MYO7A: variants seen among roughly 807,000 people sequenced by gnomAD.
The protein encoded by MYO7A is myosin VIIA, also known as unconventional myosin-VIIa.
Under a neutral mutation model 263.8 loss-of-function variants are expected in MYO7A, and 210 were observed. The ratio of observed to expected loss-of-function variants is 0.80; its 90% CI spans 0.71 to 0.89. MYO7A has a LOEUF of 0.89. Among genes scored for constraint, MYO7A ranks in the 40% least tolerant of loss-of-function variants. The pLI is 0.00. For synonymous variants in MYO7A, 1,239 were observed against 1,197.3 expected (o/e 1.03, Z -0.72); for missense variants, 2,820 against 2,968.3 (o/e 0.95, Z 1.16).
chr11:77,164,128 G>T lies in MYO7A; in HGVS notation c.1690+1140G>T, dbSNP rs2135325137. ...ACCGTGCATCTTCTTTTCCCCTGGG[G>T]ACAGGCAATTGGGTTCACGTTAAAG... On this transcript the variant is annotated intron_variant, in intron 14 of 48. Transcript: ENST00000409709. 2.6e-5 allele frequency among the ~76,000 whole-genome samples: 4 copies of T among 152,316 alleles called. 1 individual carries two copies. The highest frequency in any genetic ancestry group is 5.9e-5 in the Non-Finnish European group (4 of 68,022).
At chr11:77,199,033 C>T (rs1956880503) in intron 34 of MYO7A, among the ~76,000 whole-genome samples, 1 of 152,188 alleles carries the variant, frequency 6.6e-6, no homozygotes, top group Non-Finnish European at 1.5e-5. Context: ...GTGCAGTGCA[C>T]ATAGGTGGAA....
intron 16 of MYO7A, 36 bp downstream of exon 16, chr11:77,172,921 C>T (rs782095067): frequency 2.6e-6 from 4 of 1,532,334 alleles, no homozygotes; most frequent in South Asian, 1.2e-5. Flanking sequence ...CGGGTGGCGG[C>T]TAGGGTGACG....
rs372336857 is a variant in MYO7A, at chr11:77,197,510, C to G, written c.4353C>G (p.Ala1451=). ...KGIYAQRRTD[A]QKVKEDVVSY... is the part of the protein sequence containing the mutation. Reference sequence around the variant, plus strand: ...TTTATGCCCAGAGGAGAACTGATGCCCAGAAGGTCAAAGAGGATGTGGTCA... The same window carrying G: ...TTTATGCCCAGAGGAGAACTGATGCGCAGAAGGTCAAAGAGGATGTGGTCA... Residue 1451 remains alanine, a synonymous_variant, in exon 33 of 49, where the codon GCC becomes GCG. Transcript: ENST00000409709. 5 of 1,606,226 alleles carry G rather than the reference C, an allele frequency of 3.1e-6. No individual in the cohort carries two copies. Among genetic ancestry groups the G allele is most frequent in the Non-Finnish European group, 4.3e-6 (5 of 1,176,258 alleles).
At chr11:77,139,038 C>T (rs1192924799) in intron 2 of MYO7A, among the ~76,000 whole-genome samples, 1 of 152,206 alleles carries the variant, frequency 6.6e-6, no homozygotes, top group Non-Finnish European at 1.5e-5. Flanking sequence ...GGCTCGAGAC[C>T]GGCTTGATGC....
At chr11:77,201,369 C>T (rs1957049551) in intron 35 of MYO7A, 79 bp from the exon 36 acceptor site, 4 of 1,408,268 alleles carry the variant, frequency 2.8e-6, no homozygotes, top group Non-Finnish European at 2.9e-6. Context: ...TGAGTGATAA[C>T]ACCTCAGTTC....
At chr11:77,193,936 C>T (rs1956437834) in intron 31 of MYO7A, 1 of 450,032 alleles carries the variant, frequency 2.2e-6, no homozygotes, top group Admixed American at 2.4e-5. Flanking sequence ...GCACTTCCCT[C>T]ACTCTGACCC....
intron 44 of MYO7A, chr11:77,210,940 G>A: frequency 1.9e-6 from 1 of 537,422 alleles, no homozygotes; most frequent in South Asian, 3.0e-5. Context: ...CACTCCAACT[G>A]CCAACTGCTG....
At chr11:77,184,502 G>C (rs1955512886) in intron 26 of MYO7A, 86 bp from the exon 27 acceptor site, 2 of 1,180,326 alleles carry the variant, frequency 1.7e-6, no homozygotes, top group South Asian at 2.7e-5. Context: ...TGTTTTCTGG[G>C]GAGCAGGCAG....
At chr11:77,181,704 C>G in intron 23 of MYO7A, 115 bp downstream of exon 23, 1 of 1,017,572 alleles carries the variant, frequency 9.8e-7, no homozygotes, top group East Asian at 2.6e-5. Flanking sequence ...CAGTGGGGAG[C>G]AGAGATGAAC....
chr11:77,183,041 T>C, intron 25 of MYO7A, 27 bp from the exon 26 acceptor site: 2 of 1,545,538 alleles, frequency 1.3e-6, no homozygotes, highest in Non-Finnish European at 1.8e-6. Context: ...CTCAGCCACT[T>C]GACCCTGATC....
At chr11:77,211,790 G>A in intron 45 of MYO7A, 31 bp from the exon 46 acceptor site, 1 of 1,581,512 alleles carries the variant, frequency 6.3e-7, no homozygotes, top group East Asian at 2.2e-5. Flanking sequence ...CCCCAGGACT[G>A]AGCCCAGCCC....
Position 77,194,323 on chromosome 11 carries a change from C to T in MYO7A, c.4153-31C>T, listed in dbSNP as rs1956475635. 1.9e-6 allele frequency: 3 copies of T among 1,600,640 alleles called. No homozygotes were observed. In the South Asian group the frequency reaches 3.4e-5, roughly 18 times the overall value. On this transcript the variant is annotated intron_variant, in intron 31 of 48. Coordinates refer to ENST00000409709, the MANE Select transcript of MYO7A (RefSeq NM_000260.4). ...AAGGGCTTCCTGGAGGGGCCTGGGC[C>T]AATGCATGACCGAGGCCTCCCCCCA...
At chr11:77,151,215 G>A (rs1360816837) in intron 4 of MYO7A, among the ~76,000 whole-genome samples, 1 of 152,252 alleles carries the variant, frequency 6.6e-6, no homozygotes, top group Non-Finnish European at 1.5e-5. Context: ...CCCGCATTGT[G>A]TGGAAGGGCT....
At chr11:77,204,270 C>T (rs753048885) in intron 39 of MYO7A, 41 bp downstream of exon 39, 1 of 1,549,878 alleles carries the variant, frequency 6.5e-7, no homozygotes, top group African/African-American at 1.4e-5. Context: ...CAGACCTCAC[C>T]TGCTGTGACG....
At chr11:77,175,733 ACAGCAGGGAGG>A (rs1203878736) in intron 18 of MYO7A, among the ~76,000 whole-genome samples, 2 of 152,244 alleles carry the variant, frequency 1.3e-5, no homozygotes, top group African/African-American at 4.8e-5. Context: ...TGTTAGGCCC[ACAGCAGGGAGG>A]CAGGGGTGCT....
At chr11:77,190,425 T>C (rs781124864) in intron 29 of MYO7A, among the ~76,000 whole-genome samples, 11 of 152,134 alleles carry the variant, frequency 7.2e-5, no homozygotes, top group Non-Finnish European at 1.3e-4. Context: ...GTGAAGGTTA[T>C]ATGAAGTGAT....
rs190388970 is a variant in MYO7A, at chr11:77,157,103, C to T, written c.735+99C>T. 4.0e-6 allele frequency: 6 copies of T among 1,518,534 alleles called. No individual in the cohort carries two copies. In the African/African-American group the frequency reaches 6.8e-5, roughly 17 times the overall value. 94.1% of individuals were successfully genotyped at this position (1,518,534 alleles called of 1,614,324 possible). Reference sequence around the variant, plus strand: ...CGTATTGCTGCCCGTATTGCTCCCCCACCTGCCCGTATTGCTGCCTGCTTC... The same window carrying T: ...CGTATTGCTGCCCGTATTGCTCCCCTACCTGCCCGTATTGCTGCCTGCTTC... On this transcript the variant is annotated intron_variant, in intron 7 of 48. Coordinates refer to ENST00000409709, the MANE Select transcript of MYO7A (RefSeq NM_000260.4).
At chr11:77,180,267 G>T in intron 21 of MYO7A, 107 bp from the exon 22 acceptor site, 3 of 389,280 alleles carry the variant, frequency 7.7e-6, no homozygotes, top group East Asian at 5.6e-5. Context: ...TCCTATCAAA[G>T]TCATGCCCAG....
chr11:77,160,403 C>T (rs1952886746), intron 11 of MYO7A, 121 bp downstream of exon 11: 4 of 1,378,636 alleles, frequency 2.9e-6, no homozygotes, highest in Middle Eastern at 2.2e-4. Context: ...CCCTGCCTGC[C>T]CCGGGGCTGC....
Sources: gnomAD v4.1 joint callset for allele counts (sites outside exome capture counted in the v4.1 genomes callset) on GRCh38, gnomAD v4.1.1 for gene constraint, MANE v1.5 for transcripts, NCBI Gene and HGNC (gene_info 2026-07-23, HGNC 2026-07-21) for gene names.